Variants in XKR4 observed in about 807,000 individuals in gnomAD.
XKR4 encodes the protein XK-related protein 4.
XKR4 carries 12 observed loss-of-function variants against 53.9 expected under a neutral mutation model. The observed-to-expected ratio is 0.22, with a 90% CI of 0.14 to 0.36. The LOEUF is 0.36. XKR4 is among the 10% of genes least tolerant of loss of function. The probability of loss-of-function intolerance (pLI) is 1.00; values close to 1 mark genes in which losing one functional copy is unlikely to be tolerated. For synonymous variants in XKR4, 354 were observed against 362.4 expected (o/e 0.98, Z 0.26); for missense variants, 799 against 859.5 (o/e 0.93, Z 0.88).
chr8:55,297,149 A>G lies in XKR4; in HGVS notation c.807-60529A>G, dbSNP rs79644660. ...GTCTTGGGCTGGAGGATTGGTGTCT[A>G]CTCATAAACAGACAATTCCAACATG... On this transcript the variant is annotated intron_variant, in intron 1 of 2. Transcript: ENST00000327381. 3.9e-3 allele frequency among the ~76,000 whole-genome samples: 594 copies of G among 152,280 alleles called. 1 individual carries two copies. The highest frequency in any genetic ancestry group is 0.021 in the South Asian group (100 of 4,830).
At chr8:55,406,252 C>T (rs1398118236) in intron 2 of XKR4, among the ~76,000 whole-genome samples, 1 of 152,202 alleles carries the variant, frequency 6.6e-6, no homozygotes, top group Admixed American at 6.5e-5. Flanking sequence ...AGCCTAAGTG[C>T]TCCCTAGTTG....
chr8:55,248,404 G>T (rs1157037144), intron 1 of XKR4, among the ~76,000 whole-genome samples: 1 of 152,184 alleles, frequency 6.6e-6, no homozygotes, highest in African/African-American at 2.4e-5. Flanking sequence ...GCCTCTACCT[G>T]CATCATAGCT....
At chr8:55,215,232 T>C (rs1239635508) in intron 1 of XKR4, among the ~76,000 whole-genome samples, 1 of 152,240 alleles carries the variant, frequency 6.6e-6, no homozygotes, top group African/African-American at 2.4e-5. Context: ...ACTGAGGTCA[T>C]AACTTGCCCA....
At chr8:55,132,067 C>G (rs1554561882) in intron 1 of XKR4, among the ~76,000 whole-genome samples, 1 of 152,166 alleles carries the variant, frequency 6.6e-6, no homozygotes, top group African/African-American at 2.4e-5. Context: ...GTCCAGGTAA[C>G]CAGCAGTCAG....
chr8:55,441,898 A>G (rs935353836), intron 2 of XKR4, among the ~76,000 whole-genome samples: 2 of 152,096 alleles, frequency 1.3e-5, no homozygotes, highest in African/African-American at 4.8e-5. Flanking sequence ...AATATATTGG[A>G]AAAAGAAGAA....
chr8:55,406,367 G>A (rs1310685078), intron 2 of XKR4, among the ~76,000 whole-genome samples: 1 of 152,128 alleles, frequency 6.6e-6, no homozygotes, highest in Non-Finnish European at 1.5e-5. Flanking sequence ...TACACTCAAA[G>A]CACCTTATTC....
chr8:55,152,321 T>A (rs1018364834), intron 1 of XKR4, among the ~76,000 whole-genome samples: 1 of 152,206 alleles, frequency 6.6e-6, no homozygotes, highest in South Asian at 2.1e-4. Context: ...ATAGATTCTA[T>A]GTAATTTTAA....
chr8:55,361,929 T>A (rs556540205), intron 2 of XKR4, among the ~76,000 whole-genome samples: 1 of 152,216 alleles, frequency 6.6e-6, no homozygotes. Context: ...CGGTCCTAAC[T>A]GCTCGTTCAC....
chr8:55,107,413 A>G (rs976179809), intron 1 of XKR4, among the ~76,000 whole-genome samples: 7 of 152,180 alleles, frequency 4.6e-5, no homozygotes, highest in South Asian at 4.1e-4. Context: ...ATAACAATTT[A>G]CCTTCACTGT....
intron 2 of XKR4, among the ~76,000 whole-genome samples, chr8:55,483,707 T>G (rs1301713564): frequency 6.6e-6 from 1 of 151,736 alleles, no homozygotes; most frequent in African/African-American, 2.4e-5. Context: ...GGTATAGCAG[T>G]GCTGAGAGGG....
intron 1 of XKR4, among the ~76,000 whole-genome samples, chr8:55,186,601 A>G (rs1482611626): frequency 1.3e-5 from 2 of 152,176 alleles, no homozygotes; most frequent in Admixed American, 6.5e-5. Context: ...GTTTGCAGTG[A>G]GCCGAGACGG....
At chr8:55,224,428 C>G (rs191751135) in intron 1 of XKR4, among the ~76,000 whole-genome samples, 1 of 152,144 alleles carries the variant, frequency 6.6e-6, no homozygotes, top group East Asian at 1.9e-4. Flanking sequence ...ATGTTTGGCT[C>G]TTGTGTAGTC....
chr8:55,234,986 T>C (rs1818099307), intron 1 of XKR4, among the ~76,000 whole-genome samples: 1 of 152,210 alleles, frequency 6.6e-6, no homozygotes, highest in Admixed American at 6.5e-5. Context: ...CCATAACAAA[T>C]TATACAAACT....
At chr8:55,414,285 T>A (rs79879918) in intron 2 of XKR4, among the ~76,000 whole-genome samples, 1 of 152,124 alleles carries the variant, frequency 6.6e-6, no homozygotes, top group African/African-American at 2.4e-5. Context: ...ACATATTTAC[T>A]AATCAGATAT....
At chr8:55,221,948 C>T (rs539909746) in intron 1 of XKR4, among the ~76,000 whole-genome samples, 10 of 152,272 alleles carry the variant, frequency 6.6e-5, no homozygotes, top group Middle Eastern at 3.4e-3. Flanking sequence ...AGATTCTCTA[C>T]TCTATATTTG....
chr8:55,422,514 C>T (rs946865567), intron 2 of XKR4, among the ~76,000 whole-genome samples: 2 of 152,096 alleles, frequency 1.3e-5, no homozygotes, highest in African/African-American at 4.8e-5. Flanking sequence ...GAAGTATATT[C>T]GAGACTGAAG....
intron 2 of XKR4, among the ~76,000 whole-genome samples, chr8:55,460,970 C>T (rs1348181956): frequency 6.6e-6 from 1 of 152,216 alleles, no homozygotes; most frequent in Non-Finnish European, 1.5e-5. Context: ...AGTAGGTAAA[C>T]AAAGTGGCCT....
At chr8:55,164,022 A>G (rs1817026643) in intron 1 of XKR4, 1 of 323,918 alleles carries the variant, frequency 3.1e-6, no homozygotes, top group African/African-American at 2.2e-5. Context: ...ATATTTGCAC[A>G]CACATCCCTC....
chr8:55,521,743 T>C (rs142932927), intron 2 of XKR4, among the ~76,000 whole-genome samples: 143 of 152,356 alleles, frequency 9.4e-4, no homozygotes, highest in African/African-American at 3.3e-3. Flanking sequence ...GGGTTGAATG[T>C]ATTTCCTGTC....
Sources: gnomAD v4.1 joint callset for allele counts (sites outside exome capture counted in the v4.1 genomes callset) on GRCh38, gnomAD v4.1.1 for gene constraint, MANE v1.5 for transcripts, NCBI Gene and HGNC (gene_info 2026-07-23, HGNC 2026-07-21) for gene names.